Variants in KIF4A observed in about 807,000 individuals in gnomAD.
KIF4A encodes kinesin family member 4A, also known as chromosome-associated kinesin KIF4A.
In KIF4A, 7 loss-of-function variants were observed where a neutral mutation model predicts 105.9. The ratio of observed to expected loss-of-function variants is 0.07; its 90% CI spans 0.04 to 0.12. KIF4A has a LOEUF of 0.12. KIF4A is among the 10% of genes least tolerant of loss of function. KIF4A has a pLI of 1.00. For missense variants in KIF4A, 558 were observed against 929.2 expected, an observed-to-expected ratio of 0.60 and a Z score of 5.19; for synonymous variants, 281 against 331.3, an observed-to-expected ratio of 0.85 and a Z score of 1.65.
intron 7 of KIF4A, among the ~76,000 whole-genome samples, chrX:70,317,773 G>A (rs1369468839): frequency 1.8e-5 from 2 of 110,522 alleles, no homozygotes; most frequent in African/African-American, 6.6e-5. Context: ...TTAATTCCTG[G>A]GCTCAAGCAG....
chrX:70,416,800 G>T (rs1409316188), intron 28 of KIF4A, among the ~76,000 whole-genome samples: 1 of 112,580 alleles, frequency 8.9e-6, no homozygotes, highest in African/African-American at 3.2e-5. Flanking sequence ...AATCCTTCCA[G>T]CTTTCTGTCA....
intron 13 of KIF4A, among the ~76,000 whole-genome samples, chrX:70,347,523 T>A (rs2085997827): frequency 9.0e-6 from 1 of 111,547 alleles, no homozygotes. Context: ...CCCATCTACT[T>A]TTGATCCTAA....
At chrX:70,302,446 C>T in intron 7 of KIF4A, 48 bp downstream of exon 7, 12 of 1,119,031 alleles carry the variant, frequency 1.1e-5, no homozygotes, top group Non-Finnish European at 1.3e-5. Flanking sequence ...ACTTCTAGTA[C>T]TCTTGTTGGT....
chrX:70,315,945 C>T (rs141023205), intron 7 of KIF4A, among the ~76,000 whole-genome samples: 202 of 111,825 alleles, frequency 1.8e-3, no homozygotes, highest in Middle Eastern at 0.014. Flanking sequence ...ACACCACACT[C>T]TTAGCCCAGG....
intron 15 of KIF4A, among the ~76,000 whole-genome samples, chrX:70,369,611 A>G (rs2086121639): frequency 8.9e-6 from 1 of 111,872 alleles, no homozygotes; most frequent in African/African-American, 3.2e-5. Flanking sequence ...AAAACCTTGC[A>G]CATGTGCACA....
intron 16 of KIF4A, among the ~76,000 whole-genome samples, chrX:70,374,967 G>A (rs765621089): frequency 4.5e-5 from 5 of 112,137 alleles, no homozygotes; most frequent in African/African-American, 1.3e-4. Context: ...CAAAAGGGGC[G>A]GCGTATATTG....
intron 3 of KIF4A, among the ~76,000 whole-genome samples, chrX:70,292,731 C>A (rs2085765866): frequency 8.9e-6 from 1 of 111,976 alleles, no homozygotes; most frequent in Non-Finnish European, 1.9e-5. Context: ...AAACAATATG[C>A]TTTTCAGACC....
At chrX:70,298,469 G>T (rs59696594) in intron 4 of KIF4A, among the ~76,000 whole-genome samples, 10,040 of 110,196 alleles carry the variant, frequency 0.091, 367 homozygotes, top group East Asian at 0.24. Context: ...CTGGGCTCAA[G>T]TGATCCTCCC....
intron 20 of KIF4A, among the ~76,000 whole-genome samples, chrX:70,395,075 A>G (rs1332510122): frequency 2.7e-5 from 3 of 111,149 alleles, no homozygotes; most frequent in Non-Finnish European, 5.7e-5. Flanking sequence ...GTGAAACCCC[A>G]TCTGTACTAA....
At chrX:70,309,526 A>G (rs1170496869) in intron 7 of KIF4A, among the ~76,000 whole-genome samples, 3 of 110,542 alleles carry the variant, frequency 2.7e-5, no homozygotes, top group African/African-American at 6.6e-5. Context: ...TATTTTTTCT[A>G]TTTTTGAATA....
intron 7 of KIF4A, among the ~76,000 whole-genome samples, chrX:70,309,911 C>T (rs987302191): frequency 9.0e-5 from 10 of 111,703 alleles, no homozygotes; most frequent in South Asian, 3.8e-4. Flanking sequence ...AGCGTGGTGG[C>T]GCACGCCTGT....
At chrX:70,373,543 TATATATATATATAC>T (rs60720945) in intron 15 of KIF4A, among the ~76,000 whole-genome samples, 2,088 of 50,504 alleles carry the variant, frequency 0.041, 612 homozygotes, top group African/African-American at 0.15. Flanking sequence ...TATATATATA[TATATATATATATAC>T]GTATATATAT....
At chrX:70,341,652 G>T in intron 10 of KIF4A, 147 bp from the exon 11 acceptor site, 1 of 499,827 alleles carries the variant, frequency 2.0e-6, no homozygotes, top group Non-Finnish European at 3.2e-6. Flanking sequence ...AGATTGGGTT[G>T]GACACACTTT....
At chrX:70,334,116 C>T (rs2085941458) in intron 10 of KIF4A, among the ~76,000 whole-genome samples, 1 of 111,538 alleles carries the variant, frequency 9.0e-6, no homozygotes, top group African/African-American at 3.3e-5. Context: ...CCAAACTCAT[C>T]TTGTATTTTC....
intron 7 of KIF4A, among the ~76,000 whole-genome samples, chrX:70,310,311 TTGTGTGTGTG>T (rs1555945529): frequency 1.4e-4 from 12 of 86,296 alleles, no homozygotes; most frequent in South Asian, 5.8e-4. Flanking sequence ...CTCAAAATGG[TTGTGTGTGTG>T]TGTGTGTGTG....
At chrX:70,304,031 T>C (rs1227977577) in intron 7 of KIF4A, among the ~76,000 whole-genome samples, 2 of 97,390 alleles carry the variant, frequency 2.1e-5, no homozygotes, top group Non-Finnish European at 4.1e-5. Flanking sequence ...GCTGGTGTGC[T>C]GCACCCATTA....
intron 3 of KIF4A, among the ~76,000 whole-genome samples, chrX:70,296,480 A>T (rs1224518927): frequency 8.9e-6 from 1 of 112,463 alleles, no homozygotes; most frequent in Non-Finnish European, 1.9e-5. Flanking sequence ...AAGCAGCCTG[A>T]TAATATGGTT....
intron 3 of KIF4A, among the ~76,000 whole-genome samples, chrX:70,292,740 C>T (rs1371146195): frequency 8.9e-6 from 1 of 112,050 alleles, no homozygotes; most frequent in African/African-American, 3.2e-5. Context: ...GCTTTTCAGA[C>T]CCTGCACTAT....
At position 70,374,220 on chromosome X, in the gene KIF4A, C is replaced by T. The variant is rs1296563951; in HGVS notation, c.1744C>T (p.Leu582Phe). The T allele has an allele frequency of 8.3e-7, 1 of 1,199,417 alleles. No homozygotes were observed. The highest frequency in any genetic ancestry group is 1.1e-6 in the Non-Finnish European group (1 of 885,590). ...QKEKEELVLELQTAKKDANQA... is the reference protein window; with the variant it reads ...QKEKEELVLEFQTAKKDANQA... ...GGAAAAGGAAGAATTGGTTCTTGAA[C>T]TTCAGACAGCAAAGAAGGATGCCAA... is the stretch of plus-strand genomic sequence containing the variant. Residue 582 changes from leucine (L) to phenylalanine (F), a missense_variant, in exon 16 of 31, where the codon CTT becomes TTT. Leu to Phe is a conservative substitution (Grantham distance 22). Coordinates refer to ENST00000374403, the MANE Select transcript of KIF4A (RefSeq NM_012310.5).
Sources: allele counts gnomAD v4.1 joint callset (sites outside exome capture counted in the v4.1 genomes callset), GRCh38; gene constraint gnomAD v4.1.1; transcripts MANE v1.5; gene names NCBI Gene and HGNC (gene_info 2026-07-23, HGNC 2026-07-21).